CSNK2A2IP: variants seen among roughly 807,000 people sequenced by gnomAD.
CSNK2A2IP encodes casein kinase II subunit alpha'-interacting protein.
chr3:88,437,890 G>A, the CSNK2A2IP span, among the ~76,000 whole-genome samples: 37 of 151,970 alleles, frequency 2.4e-4, no homozygotes, highest in African/African-American at 8.5e-4. Flanking sequence ...AGTTAAATGT[G>A]TTAATTTTTA....
the CSNK2A2IP span, among the ~76,000 whole-genome samples, chr3:88,432,069 T>C: frequency 2.6e-5 from 4 of 152,190 alleles, no homozygotes; most frequent in East Asian, 1.9e-4. Context: ...TATTTTATTC[T>C]TGTAGTTTGT....
the CSNK2A2IP span, chr3:88,466,571 A>C: frequency 2.3e-4 from 284 of 1,231,556 alleles, no homozygotes; most frequent in Non-Finnish European, 2.8e-4. Flanking sequence ...CCAAAGACAG[A>C]ATCAAATAAA....
At chr3:88,347,302 T>A in the CSNK2A2IP span, among the ~76,000 whole-genome samples, 1 of 152,032 alleles carries the variant, frequency 6.6e-6, no homozygotes, top group Non-Finnish European at 1.5e-5. Context: ...TTTGAGAGGA[T>A]TCACTTTAAT....
chr3:88,401,929 G>A, the CSNK2A2IP span, among the ~76,000 whole-genome samples: 1 of 151,890 alleles, frequency 6.6e-6, no homozygotes, highest in African/African-American at 2.4e-5. Flanking sequence ...TATTAAGTGA[G>A]CTCTTTTTGA....
the CSNK2A2IP span, among the ~76,000 whole-genome samples, chr3:88,442,368 TG>T: frequency 6.8e-3 from 1,040 of 152,156 alleles, 28 homozygotes; most frequent in East Asian, 0.057. Flanking sequence ...CTCAAATACA[TG>T]TCAATATTTT....
the CSNK2A2IP span, among the ~76,000 whole-genome samples, chr3:88,416,970 C>T: frequency 4.4e-4 from 66 of 151,518 alleles, no homozygotes; most frequent in Admixed American, 1.6e-3. Flanking sequence ...CTGAATTATC[C>T]CCAATTCACT....
At chr3:88,449,874 T>TCTAGAGAGAGAGAGAGAG in the CSNK2A2IP span, among the ~76,000 whole-genome samples, 1 of 70,046 alleles carries the variant, frequency 1.4e-5, no homozygotes. Context: ...TATATATATA[T>TCTAGAGAGAGAGAGAGAG]AGAGAGAGAG....
At chr3:88,390,176 T>A in the CSNK2A2IP span, among the ~76,000 whole-genome samples, 1 of 152,110 alleles carries the variant, frequency 6.6e-6, no homozygotes, top group African/African-American at 2.4e-5. Context: ...TGGATAAGGA[T>A]AAGCTCAAAA....
the CSNK2A2IP span, among the ~76,000 whole-genome samples, chr3:88,370,306 T>C: frequency 6.6e-6 from 1 of 151,856 alleles, no homozygotes; most frequent in Non-Finnish European, 1.5e-5. Context: ...TTAGAAACAT[T>C]ACATGATTAT....
chr3:88,377,543 T>C, the CSNK2A2IP span, among the ~76,000 whole-genome samples: 1 of 151,786 alleles, frequency 6.6e-6, no homozygotes, highest in African/African-American at 2.4e-5. Context: ...TGTTGCATTC[T>C]GTTGATGGCT....
At chr3:88,415,341 T>C in the CSNK2A2IP span, among the ~76,000 whole-genome samples, 5 of 152,056 alleles carry the variant, frequency 3.3e-5, no homozygotes, top group African/African-American at 1.2e-4. Flanking sequence ...AGCAGGACTT[T>C]AGAATTATTT....
the CSNK2A2IP span, among the ~76,000 whole-genome samples, chr3:88,378,781 C>T: frequency 1.3e-5 from 2 of 151,752 alleles, no homozygotes; most frequent in African/African-American, 2.4e-5. Flanking sequence ...TTCTGTGTAT[C>T]CTAATGCATC....
the CSNK2A2IP span, among the ~76,000 whole-genome samples, chr3:88,420,057 A>G: frequency 1.3e-5 from 2 of 152,162 alleles, no homozygotes; most frequent in Non-Finnish European, 2.9e-5. Flanking sequence ...TACCAGAGAA[A>G]TTATGATTTT....
chr3:88,433,174 T>C, the CSNK2A2IP span, among the ~76,000 whole-genome samples: 4 of 152,164 alleles, frequency 2.6e-5, no homozygotes, highest in Admixed American at 6.5e-5. Flanking sequence ...TTTATAAATT[T>C]AGTGGTCACT....
chr3:88,369,892 G>A, the CSNK2A2IP span, among the ~76,000 whole-genome samples: 2 of 151,864 alleles, frequency 1.3e-5, no homozygotes, highest in South Asian at 2.1e-4. Context: ...CCACCAAAAG[G>A]GTGAGCCTTT....
chr3:88,343,297 A>G, the CSNK2A2IP span: 1 of 152,262 alleles, frequency 6.6e-6, no homozygotes. Flanking sequence ...TAAGATGGTG[A>G]TAATGGTATT....
chr3:88,416,280 A>C, the CSNK2A2IP span, among the ~76,000 whole-genome samples: 1 of 150,702 alleles, frequency 6.6e-6, no homozygotes, highest in Non-Finnish European at 1.5e-5. Context: ...TTAAAAAAAA[A>C]AAAAAAAAGA....
At chr3:88,453,960 A>G in the CSNK2A2IP span, among the ~76,000 whole-genome samples, 2 of 152,202 alleles carry the variant, frequency 1.3e-5, no homozygotes, top group South Asian at 2.1e-4. Flanking sequence ...AAGGAGTGGA[A>G]TGGCTAGATT....
chr3:88,348,827 A>G, the CSNK2A2IP span, among the ~76,000 whole-genome samples: 12 of 152,070 alleles, frequency 7.9e-5, no homozygotes, highest in African/African-American at 2.9e-4. Flanking sequence ...CTGTGAAATG[A>G]GCCCCATCTC....
Sources: allele counts gnomAD v4.1 joint callset (sites outside exome capture counted in the v4.1 genomes callset), GRCh38; gene constraint gnomAD v4.1.1; transcripts MANE v1.5; gene names NCBI Gene and HGNC (gene_info 2026-07-23, HGNC 2026-07-21).